The following EGFLAM variants were observed in gnomAD, a reference collection of about 807,000 sequenced individuals.
EGFLAM encodes the protein pikachurin.
In EGFLAM, 79 loss-of-function variants were observed where a neutral mutation model predicts 113.1. The observed-to-expected ratio is 0.70, with a 90% CI of 0.58 to 0.84. EGFLAM has a LOEUF of 0.84. Ranked by LOEUF, EGFLAM falls within the 40% of genes least tolerant of loss-of-function variation. The pLI, the probability that EGFLAM is intolerant of heterozygous loss-of-function variation, is 0.00. For synonymous variants in EGFLAM, 504 were observed against 487.6 expected (o/e 1.03, Z -0.44); for missense variants, 1,265 against 1,291.6 (o/e 0.98, Z 0.32).
chr5:38,327,124 T>A (rs1230075309), intron 1 of EGFLAM, among the ~76,000 whole-genome samples: 1 of 152,104 alleles, frequency 6.6e-6, no homozygotes, highest in African/African-American at 2.4e-5. Context: ...GCGGGTATAT[T>A]ACCTTTTGTT....
At position 38,427,494 on chromosome 5, in the gene EGFLAM, C is replaced by A. The variant is rs138715438; in HGVS notation, c.2054+242C>A. The A allele has an allele frequency of 3.6e-5, 19 of 523,416 alleles. 1 individual carries two copies. The East Asian group carries it at 6.2e-4, about 17-fold the overall frequency. 32.4% of individuals were successfully genotyped at this position (523,416 alleles called of 1,614,324 possible). On this transcript the variant is annotated intron_variant, in intron 14 of 21. Transcript: ENST00000322350. ...CTACCCAACAGGTAGCAATTGTATG[C>A]TTCAAACTATGGAAAATGGACTTGC...
intron 14 of EGFLAM, chr5:38,429,984 A>G (rs1406453309): frequency 4.6e-6 from 1 of 217,316 alleles, no homozygotes; most frequent in Non-Finnish European, 1.0e-5. Context: ...CCTTGTGGTT[A>G]AGAGCAGGGT....
At chr5:38,308,561 C>T (rs1758787478) in intron 1 of EGFLAM, among the ~76,000 whole-genome samples, 2 of 152,256 alleles carry the variant, frequency 1.3e-5, no homozygotes, top group Middle Eastern at 3.4e-3. Context: ...TGGGTTTCCT[C>T]ATCCAAAAAC....
At chr5:38,259,765 A>C (rs1324467996) in intron 1 of EGFLAM, among the ~76,000 whole-genome samples, 2 of 152,242 alleles carry the variant, frequency 1.3e-5, no homozygotes, top group African/African-American at 2.4e-5. Context: ...ATGGAAAACA[A>C]TATTACTTTT....
intron 6 of EGFLAM, among the ~76,000 whole-genome samples, chr5:38,392,970 T>C (rs1740855853): frequency 6.6e-6 from 1 of 152,150 alleles, no homozygotes; most frequent in African/African-American, 2.4e-5. Flanking sequence ...ACTCCTGACC[T>C]CAAGTGATCT....
In EGFLAM at chr5:38,337,505, T is replaced by G; in HGVS notation, c.98-15T>G. 6.3e-7 allele frequency: 1 copy of G among 1,581,150 alleles called. No individual in the cohort carries two copies. The highest frequency in any genetic ancestry group is 8.6e-7 in the Non-Finnish European group (1 of 1,160,208). On this transcript the variant is annotated splice_polypyrimidine_tract_variant and intron_variant, in intron 1 of 21. Transcript: ENST00000322350. ...GTGTGGAGCCTCTAACACAATCTCTTTTGTTTGGGGGCAGGCAAGGTAGGG... is the reference window on the plus strand; with the variant it reads ...GTGTGGAGCCTCTAACACAATCTCTGTTGTTTGGGGGCAGGCAAGGTAGGG...
At chr5:38,410,404 A>G (rs1023836324) in intron 10 of EGFLAM, among the ~76,000 whole-genome samples, 8 of 151,932 alleles carry the variant, frequency 5.3e-5, no homozygotes, top group Non-Finnish European at 7.4e-5. Context: ...CAACTATGTA[A>G]CTCCTGCTGA....
intron 7 of EGFLAM, 68 bp downstream of exon 7, chr5:38,406,309 C>T (rs908491257): frequency 4.3e-5 from 58 of 1,350,340 alleles, no homozygotes; most frequent in Non-Finnish European, 5.8e-5. Context: ...ACAATTTAGC[C>T]AATGGACCAT....
intron 3 of EGFLAM, among the ~76,000 whole-genome samples, chr5:38,348,811 G>T (rs1397226854): frequency 6.6e-6 from 1 of 152,106 alleles, no homozygotes; most frequent in Non-Finnish European, 1.5e-5. Context: ...TCAGGACAAT[G>T]AGAGGAGGGG....
chr5:38,298,458 GC>G (rs1758499526), intron 1 of EGFLAM, among the ~76,000 whole-genome samples: 1 of 152,054 alleles, frequency 6.6e-6, no homozygotes, highest in Admixed American at 6.5e-5. Context: ...ACTTCCACAA[GC>G]CCCAATTCGT....
At chr5:38,395,942 C>T (rs909147523) in intron 6 of EGFLAM, among the ~76,000 whole-genome samples, 5 of 152,092 alleles carry the variant, frequency 3.3e-5, no homozygotes, top group African/African-American at 7.3e-5. Context: ...AGGACACAAA[C>T]GTGTGTTCTC....
chr5:38,284,306 AG>A (rs1758096490), intron 1 of EGFLAM, among the ~76,000 whole-genome samples: 1 of 152,214 alleles, frequency 6.6e-6, no homozygotes, highest in Admixed American at 6.5e-5. Flanking sequence ...CTTTAGAGCC[AG>A]GGTTAACAAA....
At chr5:38,426,982 T>G in intron 13 of EGFLAM, 27 bp from the exon 14 acceptor site, 1 of 1,611,514 alleles carries the variant, frequency 6.2e-7, no homozygotes, top group South Asian at 1.1e-5. Flanking sequence ...CACAGAGGGA[T>G]TTCTAACACC....
chr5:38,326,221 A>G (rs971426197), intron 1 of EGFLAM, among the ~76,000 whole-genome samples: 8 of 152,246 alleles, frequency 5.3e-5, no homozygotes, highest in Non-Finnish European at 1.0e-4. Flanking sequence ...CACTGCTATG[A>G]TGGGGGCCCA....
At chr5:38,406,726 G>T in intron 7 of EGFLAM, 102 bp from the exon 8 acceptor site, 1 of 1,139,656 alleles carries the variant, frequency 8.8e-7, no homozygotes, top group Non-Finnish European at 1.2e-6. Context: ...AGGGTTTTTG[G>T]AAGTGACCAT....
At chr5:38,261,589 G>T (rs1757502571) in intron 1 of EGFLAM, among the ~76,000 whole-genome samples, 1 of 152,216 alleles carries the variant, frequency 6.6e-6, no homozygotes. Context: ...TTGCAGAGGT[G>T]TGTAGCATGT....
intron 1 of EGFLAM, among the ~76,000 whole-genome samples, chr5:38,336,431 G>A (rs1314245528): frequency 2.0e-5 from 3 of 152,028 alleles, no homozygotes; most frequent in Admixed American, 6.6e-5. Flanking sequence ...AAGATTAGCC[G>A]GGCATGGTGG....
Position 38,438,416 on chromosome 5 carries a change from G to C in EGFLAM, c.2425G>C (p.Asp809His), listed in dbSNP as rs1018844092. 6.2e-7 allele frequency: 1 copy of C among 1,613,532 alleles called. No homozygotes were observed. The change falls in exon 17 of 22, where the codon GAC becomes CAC. Residue 809 changes from aspartate (D) to histidine (H), a missense_variant. Coordinates refer to ENST00000322350, the MANE Select transcript of EGFLAM (RefSeq NM_152403.4). Reference protein sequence around the residue: ...CRPRKEGYDCDCPLGFEGLHC... With the variant: ...CRPRKEGYDCHCPLGFEGLHC... ...GCCCAGGAAGGAGGGCTATGACTGT[G>C]ACTGCCCCTTGGGCTTTGAGGGGCT... is the stretch of plus-strand genomic sequence containing the variant.
At chr5:38,372,556 A>T (rs1176729837) in intron 6 of EGFLAM, among the ~76,000 whole-genome samples, 1 of 152,216 alleles carries the variant, frequency 6.6e-6, no homozygotes, top group East Asian at 1.9e-4. Flanking sequence ...GATTGAGTGG[A>T]TAAGTTATAT....
Sources: gnomAD v4.1 joint callset for allele counts (sites outside exome capture counted in the v4.1 genomes callset) on GRCh38, gnomAD v4.1.1 for gene constraint, MANE v1.5 for transcripts, NCBI Gene and HGNC (gene_info 2026-07-23, HGNC 2026-07-21) for gene names.